CLVS1: variants seen among roughly 807,000 people sequenced by gnomAD.
The protein encoded by CLVS1 is clavesin 1.
A neutral mutation model predicts 33.1 loss-of-function variants in CLVS1; 10 were observed. The ratio of observed to expected loss-of-function variants is 0.30; its 90% CI spans 0.19 to 0.51. The LOEUF (loss-of-function observed/expected upper bound fraction) is 0.51, where lower values mean the gene tolerates loss of function less well. Among genes scored for constraint, CLVS1 ranks in the 20% least tolerant of loss-of-function variants. The pLI, the probability that CLVS1 is intolerant of heterozygous loss-of-function variation, is 0.97. For synonymous variants in CLVS1, 163 were observed against 166.1 expected (o/e 0.98, Z 0.14); for missense variants, 343 against 433.4 (o/e 0.79, Z 1.85).
At chr8:61,193,506 C>G (rs1170034033) in intron 2 of CLVS1, among the ~76,000 whole-genome samples, 1 of 133,426 alleles carries the variant, frequency 7.5e-6, no homozygotes, top group Non-Finnish European at 1.7e-5. Flanking sequence ...TGCCCTAGAA[C>G]TTAAAGTATA....
rs537356384 is a variant in CLVS1, at chr8:61,192,221, C to T, written c.-152+60361C>T. ...AGAACAGAGCCCTCAGAAATAATAC[C>T]ACACATCTACAACTATCTGATCTTT... On this transcript the variant is annotated intron_variant, in intron 2 of 2. Coordinates refer to the CLVS1 transcript ENST00000522621. Among the ~76,000 whole-genome samples the T allele has an allele frequency of 5.5e-4, 84 of 152,240 alleles. 1 individual carries two copies. The highest frequency in any genetic ancestry group is 3.7e-3 in the South Asian group (18 of 4,818).
the CLVS1 span, among the ~76,000 whole-genome samples, chr8:61,049,510 T>C: frequency 6.6e-6 from 1 of 152,242 alleles, no homozygotes; most frequent in Non-Finnish European, 1.5e-5. Context: ...AAATTTAGTA[T>C]ATCATTAAAC....
chr8:61,136,317 G>A (rs1030851565), intron 2 of CLVS1, among the ~76,000 whole-genome samples: 2 of 152,172 alleles, frequency 1.3e-5, no homozygotes, highest in Non-Finnish European at 2.9e-5. Context: ...TAAACACTTG[G>A]TTCACAGCCT....
At chr8:61,049,004 G>A in the CLVS1 span, among the ~76,000 whole-genome samples, 1 of 152,208 alleles carries the variant, frequency 6.6e-6, no homozygotes, top group Non-Finnish European at 1.5e-5. Context: ...CACCAGAAGG[G>A]TCCAGAATTT....
intron 1 of CLVS1, chr8:61,090,951 C>A (rs1805233236): frequency 1.9e-6 from 1 of 516,624 alleles, no homozygotes; most frequent in Non-Finnish European, 3.9e-6. Flanking sequence ...CTTTAAGGAT[C>A]AGAGGGTAGA....
intron 1 of CLVS1, among the ~76,000 whole-genome samples, chr8:61,065,874 T>G (rs907758960): frequency 6.6e-6 from 1 of 152,184 alleles, no homozygotes; most frequent in Non-Finnish European, 1.5e-5. Flanking sequence ...CATTCATCAG[T>G]ATAAAAATGA....
At chr8:61,402,896 T>C (rs1814825433) in intron 3 of CLVS1, among the ~76,000 whole-genome samples, 1 of 152,118 alleles carries the variant, frequency 6.6e-6, no homozygotes, top group African/African-American at 2.4e-5. Flanking sequence ...ATACATACAC[T>C]GGGGAGAGGC....
intron 2 of CLVS1, among the ~76,000 whole-genome samples, chr8:61,320,259 A>G (rs1229300280): frequency 3.3e-5 from 5 of 151,902 alleles, no homozygotes; most frequent in Non-Finnish European, 5.9e-5. Flanking sequence ...GTTGTGGATG[A>G]TGTTACTGTT....
At chr8:61,478,840 G>C (rs1432029984) in intron 5 of CLVS1, among the ~76,000 whole-genome samples, 1 of 152,166 alleles carries the variant, frequency 6.6e-6, no homozygotes, top group African/African-American at 2.4e-5. Flanking sequence ...ATTGTTATGT[G>C]TGAATTTGAT....
intron 2 of CLVS1, among the ~76,000 whole-genome samples, chr8:61,260,710 C>G (rs533499085): frequency 6.6e-6 from 1 of 152,304 alleles, no homozygotes; most frequent in Non-Finnish European, 1.5e-5. Flanking sequence ...TATTGACAGG[C>G]TCCTAGGGCC....
At chr8:61,168,357 A>C (rs1429738878) in intron 2 of CLVS1, among the ~76,000 whole-genome samples, 1 of 152,234 alleles carries the variant, frequency 6.6e-6, no homozygotes, top group Admixed American at 6.5e-5. Flanking sequence ...AAATTCCAAC[A>C]AAGCAGACTT....
At chr8:61,042,930 G>A in the CLVS1 span, among the ~76,000 whole-genome samples, 1 of 152,196 alleles carries the variant, frequency 6.6e-6, no homozygotes, top group Non-Finnish European at 1.5e-5. Context: ...GAATTCCTCA[G>A]TTCTCCTTTA....
At chr8:61,287,121 T>G (rs73682210), upstream of CLVS1, among the ~76,000 whole-genome samples, 1 of 152,212 alleles carries the variant, frequency 6.6e-6, no homozygotes, top group Non-Finnish European at 1.5e-5. Flanking sequence ...TTTATGACAC[T>G]GGATATACAT....
chr8:61,104,292 C>G (rs1188124296), intron 1 of CLVS1, among the ~76,000 whole-genome samples: 3 of 152,190 alleles, frequency 2.0e-5, no homozygotes, highest in African/African-American at 4.8e-5. Context: ...ATCATTTGGT[C>G]AACTTCAAAG....
chr8:61,363,332 G>A (rs1407114587), intron 2 of CLVS1, among the ~76,000 whole-genome samples: 1 of 152,164 alleles, frequency 6.6e-6, no homozygotes, highest in Admixed American at 6.5e-5. Context: ...AATTCTGTTT[G>A]CTATTCAGAG....
chr8:61,213,018 C>T (rs1333533821), intron 2 of CLVS1, among the ~76,000 whole-genome samples: 1 of 152,024 alleles, frequency 6.6e-6, no homozygotes, highest in Non-Finnish European at 1.5e-5. Context: ...CATCCTAGAC[C>T]TACATTTTGG....
intron 2 of CLVS1, among the ~76,000 whole-genome samples, chr8:61,238,258 T>C (rs959154546): frequency 1.3e-5 from 2 of 151,772 alleles, no homozygotes; most frequent in Admixed American, 6.6e-5. Context: ...TTCCTTCCTT[T>C]CCTCCCTCTA....
intron 2 of CLVS1, among the ~76,000 whole-genome samples, chr8:61,337,384 C>G (rs1563502601): frequency 6.6e-6 from 1 of 152,074 alleles, no homozygotes; most frequent in Non-Finnish European, 1.5e-5. Flanking sequence ...CTATAATTGC[C>G]CGATGAACTT....
intron 2 of CLVS1, among the ~76,000 whole-genome samples, chr8:61,313,188 C>A (rs1810897154): frequency 6.6e-6 from 1 of 152,128 alleles, no homozygotes; most frequent in Admixed American, 6.5e-5. Flanking sequence ...TCAGAGGAAT[C>A]ATCCTGCAGG....
Sources: gnomAD v4.1 joint callset for allele counts (sites outside exome capture counted in the v4.1 genomes callset) on GRCh38, gnomAD v4.1.1 for gene constraint, MANE v1.5 for transcripts, NCBI Gene and HGNC (gene_info 2026-07-23, HGNC 2026-07-21) for gene names.